RAB27B: variants seen among roughly 807,000 people sequenced by gnomAD.
The protein encoded by RAB27B is RAB27B, member RAS oncogene family.
RAB27B carries 15 observed loss-of-function variants against 24.6 expected under a neutral mutation model. That is an observed-to-expected ratio of 0.61 (90% CI 0.41 to 0.94). The LOEUF (loss-of-function observed/expected upper bound fraction) is 0.94. Among genes scored for constraint, RAB27B ranks in the 40% least tolerant of loss-of-function variants. RAB27B has a pLI of 0.00. For synonymous variants in RAB27B, 105 were observed against 92.5 expected (o/e 1.14, Z -0.78); for missense variants, 261 against 266.8 (o/e 0.98, Z 0.15).
rs530891312 is a variant in RAB27B, at chr18:54,842,944, G to A, written c.-20+14244G>A. Among the ~76,000 whole-genome samples, 11 of 152,080 alleles carry A rather than the reference G, an allele frequency of 7.2e-5. No homozygotes were observed. The South Asian group carries it at 1.2e-3, about 17-fold the overall frequency. On this transcript the variant is annotated intron_variant, in intron 1 of 5. Transcript: ENST00000262094. Reference sequence around the variant, plus strand: ...CTAGTAGCTGGAACTACAGGCACCCGTCACCACGCCCAGCTAATTTTTTTG... The same window carrying A: ...CTAGTAGCTGGAACTACAGGCACCCATCACCACGCCCAGCTAATTTTTTTG...
chr18:54,876,053 G>A lies in RAB27B; in HGVS notation c.-19-1514G>A, dbSNP rs114827508. 3.7e-3 allele frequency among the ~76,000 whole-genome samples: 567 copies of A among 152,216 alleles called. 2 individuals are homozygous for A. Among genetic ancestry groups the A allele is most frequent in the African/African-American group, 0.013 (539 of 41,530 alleles). ...TTTAATTGACTCACAGTTTAGCGTGGCTGGGGAGTCCTCAGGAAACTTACA... is the reference window on the plus strand; with the variant it reads ...TTTAATTGACTCACAGTTTAGCGTGACTGGGGAGTCCTCAGGAAACTTACA... On this transcript the variant is annotated intron_variant, in intron 1 of 5. Transcript: ENST00000262094.
At chr18:54,730,302 T>C (rs1289518434) in intron 2 of RAB27B, among the ~76,000 whole-genome samples, 1 of 152,072 alleles carries the variant, frequency 6.6e-6, no homozygotes, top group African/African-American at 2.4e-5. Flanking sequence ...GAATGAAAAA[T>C]TAACCATAAG....
At chr18:54,766,618 G>A (rs939986958) in intron 2 of RAB27B, among the ~76,000 whole-genome samples, 12 of 151,876 alleles carry the variant, frequency 7.9e-5, no homozygotes, top group East Asian at 7.7e-4. Context: ...CATTTTAGTC[G>A]GGCTTCACCT....
rs74180479 is a variant in RAB27B at position 54,810,833 on chromosome 18, A to AAAATAAAT, written c.-19-66691_-19-66684dup. On this transcript the variant is annotated intron_variant, in intron 2 of 4. Transcript: ENST00000586570. ...GGGCAACAGAGCAAGACCCTGTCTC[A>AAAATAAAT]AAATAAATAAATAAATAAATAAATA... is the stretch of plus-strand genomic sequence containing the variant. Among the ~76,000 whole-genome samples, 1,175 of 140,214 alleles carry AAAATAAAT rather than the reference A, an allele frequency of 8.4e-3. 13 individuals are homozygous for AAAATAAAT. The highest frequency in any genetic ancestry group is 0.033 in the East Asian group (153 of 4,638). The allele number at this position is 140,214 out of a possible 152,430, so 92.0% of individuals were successfully genotyped here. A position where few individuals can be genotyped will look rare whatever the true frequency, so the allele number is the denominator to read the frequency against.
At chr18:54,882,866 G>A (rs186686960) in intron 3 of RAB27B, among the ~76,000 whole-genome samples, 111 of 152,262 alleles carry the variant, frequency 7.3e-4, no homozygotes, top group Middle Eastern at 6.8e-3. Context: ...CGTTAGTAGA[G>A]CATTGATATA....
At chr18:54,867,462 T>TC (rs1344848175) in intron 1 of RAB27B, among the ~76,000 whole-genome samples, 2 of 148,016 alleles carry the variant, frequency 1.4e-5, no homozygotes, top group Non-Finnish European at 3.0e-5. Context: ...TTTTTTTTTT[T>TC]CTGAGATGGA....
At chr18:54,806,780 A>G (rs1329779176) in intron 2 of RAB27B, among the ~76,000 whole-genome samples, 1 of 152,132 alleles carries the variant, frequency 6.6e-6, no homozygotes, top group Non-Finnish European at 1.5e-5. Context: ...AACATTCAAA[A>G]AAAATTGAAG....
At chr18:54,736,284 A>G (rs1222890172) in intron 2 of RAB27B, among the ~76,000 whole-genome samples, 4 of 152,228 alleles carry the variant, frequency 2.6e-5, no homozygotes, top group Admixed American at 2.6e-4. Context: ...TTCGTATTCA[A>G]TAGAACCTAG....
chr18:54,811,311 T>C (rs1287989086), intron 2 of RAB27B, among the ~76,000 whole-genome samples: 1 of 152,168 alleles, frequency 6.6e-6, no homozygotes, highest in Non-Finnish European at 1.5e-5. Flanking sequence ...GTGCCAAAGA[T>C]GGCTGGGGTA....
intron 2 of RAB27B, among the ~76,000 whole-genome samples, chr18:54,813,116 T>C (rs1030105728): frequency 2.6e-5 from 4 of 152,202 alleles, no homozygotes; most frequent in Non-Finnish European, 4.4e-5. Context: ...TCTACTGCTG[T>C]GGCTGGAGAA....
chr18:54,843,705 T>G (rs1331017165), intron 1 of RAB27B, among the ~76,000 whole-genome samples: 1 of 152,276 alleles, frequency 6.6e-6, no homozygotes, highest in East Asian at 1.9e-4. Context: ...CAAGTCAATC[T>G]ACTTGATTCT....
chr18:54,814,584 T>C (rs1910065948), intron 2 of RAB27B, among the ~76,000 whole-genome samples: 2 of 152,190 alleles, frequency 1.3e-5, no homozygotes, highest in South Asian at 2.1e-4. Flanking sequence ...TTTTTAACAA[T>C]TGGCAGGATA....
At chr18:54,725,686 C>T (rs528857678) in intron 2 of RAB27B, among the ~76,000 whole-genome samples, 2 of 151,436 alleles carry the variant, frequency 1.3e-5, no homozygotes, top group South Asian at 2.1e-4. Context: ...GGGGAAAGCC[C>T]CTTATAAAAC....
At chr18:54,858,320 C>T (rs1264732898) in intron 1 of RAB27B, among the ~76,000 whole-genome samples, 2 of 151,832 alleles carry the variant, frequency 1.3e-5, no homozygotes, top group African/African-American at 4.8e-5. Flanking sequence ...CATAATTATG[C>T]CTTTTGTTGT....
intron 2 of RAB27B, among the ~76,000 whole-genome samples, chr18:54,801,126 C>T (rs774459070): frequency 6.7e-6 from 1 of 150,160 alleles, no homozygotes; most frequent in Non-Finnish European, 1.5e-5. Context: ...AATTCTCCTG[C>T]CTCAGATTCC....
intron 2 of RAB27B, among the ~76,000 whole-genome samples, chr18:54,758,302 C>T (rs540143791): frequency 1.3e-5 from 2 of 152,164 alleles, no homozygotes; most frequent in South Asian, 4.2e-4. Flanking sequence ...TAATACTTAC[C>T]TGAGCCATTA....
intron 1 of RAB27B, among the ~76,000 whole-genome samples, chr18:54,845,415 A>AT (rs971438626): frequency 4.0e-5 from 6 of 151,224 alleles, no homozygotes; most frequent in African/African-American, 1.2e-4. Flanking sequence ...CAAAAAAAAA[A>AT]AAAATAAAAT....
At chr18:54,750,432 T>C (rs909452684) in intron 2 of RAB27B, among the ~76,000 whole-genome samples, 6 of 152,178 alleles carry the variant, frequency 3.9e-5, no homozygotes, top group Non-Finnish European at 7.4e-5. Context: ...TTCTTCCTTC[T>C]TTTCCTCCTT....
chr18:54,755,074 C>G (rs1907959057), intron 2 of RAB27B, among the ~76,000 whole-genome samples: 1 of 152,082 alleles, frequency 6.6e-6, no homozygotes. Context: ...TTTGGAAATG[C>G]TTGCTTACTT....
Sources: allele counts gnomAD v4.1 joint callset (sites outside exome capture counted in the v4.1 genomes callset), GRCh38; gene constraint gnomAD v4.1.1; transcripts MANE v1.5; gene names NCBI Gene and HGNC (gene_info 2026-07-23, HGNC 2026-07-21).